The following PDE4D variants were observed in gnomAD, a reference collection of about 807,000 sequenced individuals.
The protein encoded by PDE4D is 3',5'-cyclic-AMP phosphodiesterase 4D.
A neutral mutation model predicts 87.4 loss-of-function variants in PDE4D; 24 were observed. The ratio of observed to expected loss-of-function variants is 0.27; its 90% CI spans 0.20 to 0.39. The LOEUF (loss-of-function observed/expected upper bound fraction) is 0.39, where lower values mean the gene tolerates loss of function less well. Among genes scored for constraint, PDE4D ranks in the 10% least tolerant of loss-of-function variants. PDE4D has a pLI of 1.00. For missense variants in PDE4D, 714 were observed against 1,041.0 expected (o/e 0.69, Z 4.32); for synonymous variants, 384 against 383.2 (o/e 1.00, Z -0.02).
chr5:59,185,341 A>G (rs1742658504), intron 3 of PDE4D, 79 bp from the exon 4 acceptor site: 2 of 1,006,204 alleles, frequency 2.0e-6, no homozygotes, highest in African/African-American at 3.2e-5. Context: ...GTTAAGAGAA[A>G]ACTTGATATT....
chr5:59,452,782 C>T (rs1287087961), intron 1 of PDE4D, among the ~76,000 whole-genome samples: 1 of 152,198 alleles, frequency 6.6e-6, no homozygotes, highest in East Asian at 1.9e-4. Context: ...AACACAAAAA[C>T]ATTCATCACA....
intron 1 of PDE4D, among the ~76,000 whole-genome samples, chr5:60,357,706 A>T (rs1376810011): frequency 2.0e-5 from 3 of 152,208 alleles, no homozygotes; most frequent in Non-Finnish European, 4.4e-5. Context: ...GCTTTGGGTT[A>T]TATTATTCTC....
intron 1 of PDE4D, chr5:60,460,495 T>C: frequency 6.5e-7 from 1 of 1,533,440 alleles, no homozygotes; most frequent in Non-Finnish European, 9.0e-7. Context: ...TGACATCTTC[T>C]GAAAAAATGG....
chr5:59,249,523 T>C (rs962016178), intron 1 of PDE4D, among the ~76,000 whole-genome samples: 1 of 152,268 alleles, frequency 6.6e-6, no homozygotes, highest in East Asian at 1.9e-4. Flanking sequence ...ATTTTAATAA[T>C]TGGGAAAAGC....
At position 60,242,286 on chromosome 5, in the gene PDE4D, A is replaced by G. The variant is rs111544319; in HGVS notation, c.-89-56599T>C. 1.5e-3 allele frequency among the ~76,000 whole-genome samples: 228 copies of G among 152,286 alleles called. 2 individuals carry two copies. The highest frequency in any genetic ancestry group is 5.2e-3 in the African/African-American group (218 of 41,590). On this transcript the variant is annotated intron_variant, in intron 1 of 16. Transcript: ENST00000502484. ...AATTCAGGAAGAGGGTATAACAATTATAAATAGGTGTAACCAATATTGGAG... is the reference window on the plus strand; with the variant it reads ...AATTCAGGAAGAGGGTATAACAATTGTAAATAGGTGTAACCAATATTGGAG...
At chr5:60,040,912 C>T (rs771779765) in intron 2 of PDE4D, among the ~76,000 whole-genome samples, 4 of 152,078 alleles carry the variant, frequency 2.6e-5, no homozygotes, top group East Asian at 1.9e-4. Flanking sequence ...CGAATTCTTT[C>T]GTAACTGTGT....
At chr5:60,019,358 G>A (rs1341248111) in intron 2 of PDE4D, among the ~76,000 whole-genome samples, 1 of 152,196 alleles carries the variant, frequency 6.6e-6, no homozygotes, top group African/African-American at 2.4e-5. Context: ...GTCGCCAGCT[G>A]CATTAGCCCT....
At chr5:59,371,242 G>A (rs772712437) in intron 1 of PDE4D, among the ~76,000 whole-genome samples, 21 of 152,188 alleles carry the variant, frequency 1.4e-4, no homozygotes, top group Non-Finnish European at 2.4e-4. Flanking sequence ...TGAATGATAC[G>A]TTAGGAGTGG....
At chr5:59,814,767 A>G (rs1400358263) in intron 1 of PDE4D, among the ~76,000 whole-genome samples, 5 of 152,206 alleles carry the variant, frequency 3.3e-5, no homozygotes, top group South Asian at 4.1e-4. Context: ...CAAAGCCTGC[A>G]TTTGTTCAGA....
chr5:60,521,935 GA>G (rs10546225), intron 1 of PDE4D: 65,220 of 142,880 alleles, frequency 0.46, 15,567 homozygotes, highest in East Asian at 0.55. Flanking sequence ...TGACCTGCAG[GA>G]AAAAAAAAAA....
Position 59,524,191 on chromosome 5 carries a change from G to C in PDE4D, c.456-308223C>G, listed in dbSNP as rs1005645089. 6.6e-5 allele frequency among the ~76,000 whole-genome samples: 10 copies of C among 152,334 alleles called. No individual in the cohort carries two copies. The East Asian group carries it at 1.9e-3, about 29-fold the overall frequency. On this transcript the variant is annotated intron_variant, in intron 1 of 14. Coordinates refer to ENST00000340635, the MANE Select transcript of PDE4D (RefSeq NM_001104631.2). ...AGGCCTCAGAAGAAGACAGGAAAATGTGGGAAAATGTGCAACTTCCTAGAG... is the reference window on the plus strand; with the variant it reads ...AGGCCTCAGAAGAAGACAGGAAAATCTGGGAAAATGTGCAACTTCCTAGAG...
At chr5:59,494,635 A>T (rs1437642336) in intron 1 of PDE4D, among the ~76,000 whole-genome samples, 1 of 152,202 alleles carries the variant, frequency 6.6e-6, no homozygotes, top group East Asian at 1.9e-4. Context: ...AATTATTGCA[A>T]AGAAATGTTA....
Position 60,203,574 on chromosome 5 carries a change from T to C in PDE4D, c.-89-17887A>G, listed in dbSNP as rs542505414. On this transcript the variant is annotated intron_variant, in intron 1 of 16. Coordinates refer to the PDE4D transcript ENST00000502484. ...AATTTCTGTGCCTAATGTAATCTAATTTTTCTACAGCGAACACGTGGGCTA... is the reference window on the plus strand; with the variant it reads ...AATTTCTGTGCCTAATGTAATCTAACTTTTCTACAGCGAACACGTGGGCTA... 3.9e-5 allele frequency among the ~76,000 whole-genome samples: 6 copies of C among 152,366 alleles called. No homozygotes were observed. In the South Asian group the frequency reaches 1.2e-3, roughly 32 times the overall value.
At chr5:59,612,371 G>A (rs1229796916) in intron 1 of PDE4D, among the ~76,000 whole-genome samples, 1 of 151,794 alleles carries the variant, frequency 6.6e-6, no homozygotes, top group African/African-American at 2.4e-5. Context: ...ATAAATATGG[G>A]CAAGTCTGAC....
intron 1 of PDE4D, among the ~76,000 whole-genome samples, chr5:59,800,350 G>A (rs765798513): frequency 1.3e-5 from 2 of 152,020 alleles, no homozygotes; most frequent in Non-Finnish European, 2.9e-5. Context: ...CCAATGAAAA[G>A]ATGTTTAATT....
chr5:59,101,107 C>T (rs1172589545), intron 5 of PDE4D, among the ~76,000 whole-genome samples: 2 of 152,100 alleles, frequency 1.3e-5, no homozygotes, highest in Non-Finnish European at 2.9e-5. Context: ...TAGTAAAGAT[C>T]AGCCCTCACT....
At chr5:59,177,942 CTT>C (rs1382838303) in intron 5 of PDE4D, among the ~76,000 whole-genome samples, 1 of 152,062 alleles carries the variant, frequency 6.6e-6, no homozygotes, top group African/African-American at 2.4e-5. Flanking sequence ...CTCACTGACT[CTT>C]TTTAATACTT....
chr5:59,475,952 G>A (rs1237447501), intron 1 of PDE4D, among the ~76,000 whole-genome samples: 1 of 151,944 alleles, frequency 6.6e-6, no homozygotes, highest in Non-Finnish European at 1.5e-5. Context: ...CAATGAATAT[G>A]TAAAGAACAC....
intron 1 of PDE4D, among the ~76,000 whole-genome samples, chr5:59,480,395 C>T (rs559365155): frequency 2.6e-5 from 4 of 152,202 alleles, no homozygotes; most frequent in East Asian, 1.9e-4. Context: ...AATGTTCCCA[C>T]GTACTCTCTG....
Sources: allele counts gnomAD v4.1 joint callset (sites outside exome capture counted in the v4.1 genomes callset), GRCh38; gene constraint gnomAD v4.1.1; transcripts MANE v1.5; gene names NCBI Gene and HGNC (gene_info 2026-07-23, HGNC 2026-07-21).